The following SLC25A26 variants were observed in gnomAD, a reference collection of about 807,000 sequenced individuals.
The protein encoded by SLC25A26 is mitochondrial S-adenosylmethionine carrier protein.
Under a neutral mutation model 37.8 loss-of-function variants are expected in SLC25A26, and 36 were observed. That is an observed-to-expected ratio of 0.95 (90% CI 0.73 to 1.26). The LOEUF (loss-of-function observed/expected upper bound fraction) is 1.26, where lower values mean the gene tolerates loss of function less well. Among genes scored for constraint, SLC25A26 ranks in the 50% most tolerant of loss-of-function variants. The probability of loss-of-function intolerance (pLI) is 0.00; values close to 1 mark genes in which losing one functional copy is unlikely to be tolerated. For synonymous variants in SLC25A26, 129 were observed against 122.5 expected (o/e 1.05, Z -0.35); for missense variants, 390 against 331.1 (o/e 1.18, Z -1.38).
At chr3:66,371,246 TCCC>T in intron 9 of SLC25A26, 1 of 1,544,538 alleles carries the variant, frequency 6.5e-7, no homozygotes, top group Non-Finnish European at 8.7e-7. Flanking sequence ...AGCAGTGGCC[TCCC>T]TTTGCAGAGG....
chr3:66,234,148 A>C (rs1034938449), intron 1 of SLC25A26, among the ~76,000 whole-genome samples: 2 of 152,186 alleles, frequency 1.3e-5, no homozygotes, highest in Non-Finnish European at 2.9e-5. Context: ...GTGGCTATTC[A>C]TGGGCATAAT....
chr3:66,244,699 A>T (rs1327425544), intron 3 of SLC25A26, among the ~76,000 whole-genome samples: 1 of 152,136 alleles, frequency 6.6e-6, no homozygotes, highest in Non-Finnish European at 1.5e-5. Context: ...TTGGCCGGGC[A>T]CGGTGGCTCA....
chr3:66,260,600 T>C (rs1474119823), intron 3 of SLC25A26, among the ~76,000 whole-genome samples: 2 of 152,226 alleles, frequency 1.3e-5, no homozygotes, highest in African/African-American at 4.8e-5. Context: ...GTTAGCTGAC[T>C]TCATGACATC....
At chr3:66,268,148 G>A (rs967743047) in intron 5 of SLC25A26, among the ~76,000 whole-genome samples, 3 of 152,178 alleles carry the variant, frequency 2.0e-5, no homozygotes, top group African/African-American at 7.2e-5. Context: ...GTAGTCCATT[G>A]TATAAACAAA....
intron 5 of SLC25A26, among the ~76,000 whole-genome samples, chr3:66,298,803 T>G (rs1309507486): frequency 6.6e-6 from 1 of 152,228 alleles, no homozygotes; most frequent in African/African-American, 2.4e-5. Flanking sequence ...CATTACAGGA[T>G]GACGTTGCTA....
intron 1 of SLC25A26, among the ~76,000 whole-genome samples, chr3:66,153,539 A>T (rs2070236055): frequency 6.6e-6 from 1 of 152,228 alleles, no homozygotes; most frequent in South Asian, 2.1e-4. Flanking sequence ...CTGCTGATGC[A>T]GGTGGCTCTG....
At chr3:66,158,019 G>A (rs1187457298) in intron 1 of SLC25A26, among the ~76,000 whole-genome samples, 1 of 152,202 alleles carries the variant, frequency 6.6e-6, no homozygotes, top group Non-Finnish European at 1.5e-5. Flanking sequence ...AATGCGTTGT[G>A]TTATACTAGT....
rs558233105 is a variant in SLC25A26, at chr3:66,295,690, A to C, written c.453+32311A>C. Among the ~76,000 whole-genome samples the C allele has an allele frequency of 5.9e-5, 9 of 151,748 alleles. No individual in the cohort carries two copies. In the East Asian group the frequency reaches 1.8e-3, roughly 30 times the overall value. ...ATTTTTTGTATTTTTAATAGAGACGAGGTTTCACCATGCTGGCCAGGCTGA... is the reference window on the plus strand; with the variant it reads ...ATTTTTTGTATTTTTAATAGAGACGCGGTTTCACCATGCTGGCCAGGCTGA... On this transcript the variant is annotated intron_variant, in intron 5 of 9. Coordinates refer to ENST00000354883, the MANE Select transcript of SLC25A26 (RefSeq NM_001379210.1).
chr3:66,138,155 A>G (rs375556753), intron 1 of SLC25A26, among the ~76,000 whole-genome samples: 74 of 152,330 alleles, frequency 4.9e-4, no homozygotes, highest in African/African-American at 1.7e-3. Context: ...TTTCTATGGC[A>G]TTATTAAACA....
chr3:66,366,350 C>T (rs1220877061), intron 7 of SLC25A26, among the ~76,000 whole-genome samples: 32 of 152,192 alleles, frequency 2.1e-4, no homozygotes, highest in Non-Finnish European at 5.9e-5. Context: ...AGCCCTTCCC[C>T]GTTATGACCA....
rs142091177 is a variant in SLC25A26, at chr3:66,174,180, T to G, written c.-354+40196T>G. ...AGTATTCCTCCAAACAAGACTTATT[T>G]AATTCTTCTATGACAGATAGTTCCT... On this transcript the variant is annotated intron_variant, in intron 1 of 10. Transcript: ENST00000676754. Among the ~76,000 whole-genome samples the G allele has an allele frequency of 9.9e-3, 1,511 of 152,322 alleles. 31 individuals are homozygous for G. Among genetic ancestry groups the G allele is most frequent in the East Asian group, 0.074 (382 of 5,164 alleles).
At chr3:66,346,932 C>G (rs1032611890) in intron 6 of SLC25A26, among the ~76,000 whole-genome samples, 3 of 152,066 alleles carry the variant, frequency 2.0e-5, no homozygotes, top group Admixed American at 2.0e-4. Context: ...TGGTTGCTCA[C>G]TCCAGCCAGG....
At chr3:66,260,660 G>C (rs141981390) in intron 3 of SLC25A26, among the ~76,000 whole-genome samples, 1 of 152,070 alleles carries the variant, frequency 6.6e-6, no homozygotes, top group Non-Finnish European at 1.5e-5. Flanking sequence ...GGGGTGCTCG[G>C]GCTTATATCT....
At chr3:66,207,761 C>G (rs2071199608) in intron 1 of SLC25A26, among the ~76,000 whole-genome samples, 1 of 152,178 alleles carries the variant, frequency 6.6e-6, no homozygotes. Context: ...AACTTTAAAT[C>G]TTTCTTGTAA....
Position 66,221,091 on chromosome 3 carries a change from G to A in SLC25A26, c.-4G>A, listed in dbSNP as rs1553658136. On this transcript the variant is annotated 5_prime_UTR_variant, in exon 1 of 10. Transcript: ENST00000354883. ...ATTGTAGCCTTGACGAGGTCTGAGCGACCATGGACCGGCCGGGGTTCGTGG... is the reference window on the plus strand; with the variant it reads ...ATTGTAGCCTTGACGAGGTCTGAGCAACCATGGACCGGCCGGGGTTCGTGG... 4 of 1,534,148 alleles carry A rather than the reference G, an allele frequency of 2.6e-6. No individual in the cohort carries two copies. Among genetic ancestry groups the A allele is most frequent in the Admixed American group, 4.0e-5 (2 of 50,602 alleles).
At chr3:66,263,894 A>C (rs974878168) in intron 5 of SLC25A26, among the ~76,000 whole-genome samples, 1 of 152,014 alleles carries the variant, frequency 6.6e-6, no homozygotes, top group Non-Finnish European at 1.5e-5. Flanking sequence ...TCCTGACCTC[A>C]TGATCCTCCC....
intron 1 of SLC25A26, among the ~76,000 whole-genome samples, chr3:66,194,835 AG>A (rs2071016075): frequency 6.6e-6 from 1 of 152,200 alleles, no homozygotes; most frequent in South Asian, 2.1e-4. Flanking sequence ...TCCCGACCCC[AG>A]GTGATCCGCC....
intron 1 of SLC25A26, among the ~76,000 whole-genome samples, chr3:66,188,215 A>G (rs1332291567): frequency 1.3e-5 from 2 of 152,048 alleles, no homozygotes; most frequent in African/African-American, 4.8e-5. Context: ...ACTCCTCACC[A>G]TGATCCTGAT....
chr3:66,320,121 AC>A (rs1199170789), intron 5 of SLC25A26, among the ~76,000 whole-genome samples: 1 of 152,128 alleles, frequency 6.6e-6, no homozygotes, highest in African/African-American at 2.4e-5. Context: ...AAATATATAA[AC>A]TAAAATTTGC....
Sources: allele counts gnomAD v4.1 joint callset (sites outside exome capture counted in the v4.1 genomes callset), GRCh38; gene constraint gnomAD v4.1.1; transcripts MANE v1.5; gene names NCBI Gene and HGNC (gene_info 2026-07-23, HGNC 2026-07-21).